The following ATRX variants were observed in gnomAD, a reference collection of about 807,000 sequenced individuals.
ATRX encodes the protein ATRX chromatin remodeler, also known as chromatin remodeler ATRX.
In ATRX, 12 loss-of-function variants were observed where a neutral mutation model predicts 172.6. The ratio of observed to expected loss-of-function variants is 0.07; its 90% CI spans 0.04 to 0.11. ATRX has a LOEUF of 0.11. Ranked by LOEUF, ATRX falls within the 10% of genes least tolerant of loss-of-function variation. The pLI, the probability that ATRX is intolerant of heterozygous loss-of-function variation, is 1.00. For synonymous variants in ATRX, 674 were observed against 594.7 expected, an observed-to-expected ratio of 1.13 and a Z score of -1.94; for missense variants, 1,368 against 1,767.4, an observed-to-expected ratio of 0.77 and a Z score of 4.05.
intron 25 of ATRX, chrX:77,595,521 G>T (rs1256370179): frequency 1.8e-5 from 2 of 111,800 alleles, no homozygotes; most frequent in African/African-American, 6.5e-5. Flanking sequence ...GGCTGAAATA[G>T]ATAAGCTTCC....
intron 2 of ATRX, among the ~76,000 whole-genome samples, chrX:77,705,867 T>C (rs1408998645): frequency 1.8e-5 from 2 of 112,587 alleles, no homozygotes; most frequent in Admixed American, 9.4e-5. Context: ...ACAACAACTT[T>C]GGTGCAACTT....
At chrX:77,525,788 C>T (rs1557043481) in intron 30 of ATRX, among the ~76,000 whole-genome samples, 1 of 111,893 alleles carries the variant, frequency 8.9e-6, no homozygotes, top group Non-Finnish European at 1.9e-5. Flanking sequence ...ATGAAAATAC[C>T]AGGAATAAAC....
chrX:77,773,710 C>T lies in ATRX; in HGVS notation c.20+12272G>A, dbSNP rs183303436. Among the ~76,000 whole-genome samples the T allele has an allele frequency of 1.8e-4, 20 of 109,375 alleles. No individual in the cohort carries two copies. The East Asian group carries it at 5.5e-3, about 30-fold the overall frequency. 95.0% of individuals were successfully genotyped at this position (109,375 alleles called of 115,157 possible). On this transcript the variant is annotated intron_variant, in intron 1 of 34. Coordinates refer to ENST00000373344, the MANE Select transcript of ATRX (RefSeq NM_000489.6). ...GAGGCTGCAGTGAGCCGAGATCGCA[C>T]GTCTGCACACCAGCCTGGGCGACAG...
At position 77,676,245 on chromosome X, in the gene ATRX, C is replaced by A; in HGVS notation, c.3790G>T (p.Asp1264Tyr). The A allele has an allele frequency of 8.3e-7, 1 of 1,206,386 alleles. No homozygotes were observed. Among genetic ancestry groups the A allele is most frequent in the South Asian group, 1.8e-5 (1 of 56,816 alleles). ...TCATACCTATTCTCAGGATCATTGT[C>A]GTCATCATCATCATCCACTGTGACA... The part of the protein sequence containing the change: ...VPVTVDDDDD[D>Y]NDPENRIAKK... The change falls in exon 10 of 35, where the codon GAC becomes TAC. Residue 1264 changes from aspartate to tyrosine, a missense_variant. Coordinates refer to ENST00000373344, the MANE Select transcript of ATRX (RefSeq NM_000489.6).
intron 12 of ATRX, among the ~76,000 whole-genome samples, 188 bp from the exon 13 acceptor site, chrX:77,656,841 G>A (rs2148461908): frequency 9.0e-6 from 1 of 111,677 alleles, no homozygotes; most frequent in East Asian, 2.8e-4. Flanking sequence ...AAATTCAGAT[G>A]TATTTCTAAT....
intron 1 of ATRX, among the ~76,000 whole-genome samples, chrX:77,756,763 G>T (rs996766626): frequency 4.6e-5 from 5 of 109,829 alleles, no homozygotes; most frequent in Non-Finnish European, 9.5e-5. Flanking sequence ...GGGAGCTGCA[G>T]ACCAGAGCTG....
At position 77,506,521 on chromosome X, in the gene ATRX, C is replaced by T. The variant is rs1418571058; in HGVS notation, c.*1830G>A. ...AAAATATTCTGAACTTGTAGAAATA[C>T]CAACTGGTAACAGTTGGCCAGAGTG... On this transcript the variant is annotated 3_prime_UTR_variant, in exon 35 of 35. Coordinates refer to ENST00000373344, the MANE Select transcript of ATRX (RefSeq NM_000489.6). 1 of 173,660 alleles carries T rather than the reference C, an allele frequency of 5.8e-6. No individual in the cohort carries two copies. The highest frequency in any genetic ancestry group is 1.1e-5 in the Non-Finnish European group (1 of 91,073). 14.3% of individuals were successfully genotyped at this position (173,660 alleles called of 1,213,427 possible).
chrX:77,523,950 T>A (rs2147767280), intron 30 of ATRX, among the ~76,000 whole-genome samples: 1 of 111,915 alleles, frequency 8.9e-6, no homozygotes, highest in South Asian at 3.7e-4. Flanking sequence ...AATTACACTG[T>A]AAAGACCCAT....
chrX:77,574,968 GT>G (rs1298574802), intron 27 of ATRX, among the ~76,000 whole-genome samples: 23 of 104,576 alleles, frequency 2.2e-4, no homozygotes, highest in South Asian at 4.1e-4. Context: ...GTGAGTTTAA[GT>G]TTTTTTTTTC....
At chrX:77,709,583 A>T (rs1299409876) in intron 2 of ATRX, among the ~76,000 whole-genome samples, 3 of 110,169 alleles carry the variant, frequency 2.7e-5, no homozygotes, top group Non-Finnish European at 5.7e-5. Flanking sequence ...CCTAAAAGTT[A>T]AAATAAATAA....
At chrX:77,652,699 C>G (rs2069318765) in intron 14 of ATRX, among the ~76,000 whole-genome samples, 1 of 106,820 alleles carries the variant, frequency 9.4e-6, no homozygotes. Context: ...CCCAGCTACT[C>G]AGGAGGCTGA....
At position 77,644,783 on chromosome X, in the gene ATRX, T is replaced by C. The variant is rs2068827162; in HGVS notation, c.4557+7331A>G. Among the ~76,000 whole-genome samples the C allele has an allele frequency of 2.7e-5, 3 of 109,993 alleles. No homozygotes were observed. In the Admixed American group the frequency reaches 2.9e-4, roughly 11 times the overall value. Reference sequence around the variant, plus strand: ...GAGGGAAACCATCATGAAGAACATCTTATGTATTACGAGAGTCACAGAAGG... The same window carrying C: ...GAGGGAAACCATCATGAAGAACATCCTATGTATTACGAGAGTCACAGAAGG... On this transcript the variant is annotated intron_variant, in intron 15 of 34. Coordinates refer to ENST00000373344, the MANE Select transcript of ATRX (RefSeq NM_000489.6).
chrX:77,762,354 A>ATTT (rs1169907876), intron 1 of ATRX, among the ~76,000 whole-genome samples: 1 of 106,576 alleles, frequency 9.4e-6, no homozygotes, highest in Non-Finnish European at 1.9e-5. Context: ...ACTAGAAGAG[A>ATTT]TTTTTTTTAA....
chrX:77,705,674 G>T (rs1330191447), intron 2 of ATRX, among the ~76,000 whole-genome samples: 1 of 112,221 alleles, frequency 8.9e-6, no homozygotes, highest in Non-Finnish European at 1.9e-5. Context: ...AGAAGTTTAA[G>T]AACAGCCTCA....
intron 15 of ATRX, among the ~76,000 whole-genome samples, chrX:77,646,925 T>TAA (rs1229860572): frequency 4.2e-5 from 4 of 95,015 alleles, no homozygotes; most frequent in East Asian, 6.4e-4. Flanking sequence ...ACTGTGTCTT[T>TAA]AAAAAAAAAA....
chrX:77,770,106 C>CT (rs782075675), intron 1 of ATRX, among the ~76,000 whole-genome samples: 150 of 101,452 alleles, frequency 1.5e-3, no homozygotes, highest in South Asian at 3.2e-3. Context: ...AAATGATAAA[C>CT]TTTTTTTTTT....
At chrX:77,691,916 T>C (rs2071912112) in intron 6 of ATRX, among the ~76,000 whole-genome samples, 1 of 112,059 alleles carries the variant, frequency 8.9e-6, no homozygotes, top group African/African-American at 3.2e-5. Flanking sequence ...AAGATTTAAG[T>C]GCTACTGATG....
intron 1 of ATRX, among the ~76,000 whole-genome samples, chrX:77,770,397 C>T (rs782568429): frequency 3.6e-5 from 4 of 110,314 alleles, no homozygotes; most frequent in South Asian, 3.8e-4. Context: ...CCACCATGCC[C>T]GGCCAAAAAT....
At chrX:77,570,050 G>A (rs1309446940) in intron 28 of ATRX, among the ~76,000 whole-genome samples, 1 of 111,918 alleles carries the variant, frequency 8.9e-6, no homozygotes, top group Non-Finnish European at 1.9e-5. Context: ...ATGTAGTAAT[G>A]ATGCAGAGAA....
Sources: allele counts gnomAD v4.1 joint callset (sites outside exome capture counted in the v4.1 genomes callset), GRCh38; gene constraint gnomAD v4.1.1; transcripts MANE v1.5; gene names NCBI Gene and HGNC (gene_info 2026-07-23, HGNC 2026-07-21).